The following SLC66A1 variants were observed in gnomAD, a reference collection of about 807,000 sequenced individuals.
The protein encoded by SLC66A1 is solute carrier family 66 member 1, also known as lysosomal amino acid transporter 1 homolog.
Under a neutral mutation model 33.0 loss-of-function variants are expected in SLC66A1, and 23 were observed. That is an observed-to-expected ratio of 0.70 (90% CI 0.50 to 0.99). The LOEUF (loss-of-function observed/expected upper bound fraction) is 0.99. Ranked by LOEUF, SLC66A1 falls within the 50% of genes least tolerant of loss-of-function variation. The pLI is 0.00. For missense variants in SLC66A1, 335 were observed against 383.6 expected (o/e 0.87, Z 1.06); for synonymous variants, 164 against 175.5 (o/e 0.93, Z 0.52).
In SLC66A1 at chr1:19,316,913, C is replaced by CT. The variant is rs759496425; in HGVS notation, c.-78-664dup. 8.4e-3 allele frequency among the ~76,000 whole-genome samples: 602 copies of CT among 71,506 alleles called. 12 individuals carry two copies. Among genetic ancestry groups the CT allele is most frequent in the Middle Eastern group, 0.039 (3 of 76 alleles). The allele number at this position is 71,506 out of a possible 152,430, so 46.9% of individuals were successfully genotyped here. On this transcript the variant is annotated intron_variant, in intron 1 of 7. Transcript: ENST00000375153. ...TAGAGGGAGTCTTGCTCTGTCACCT[C>CT]TTTTTTTTTTTTTTTTTTTTTTTGA...
intron 5 of SLC66A1, 37 bp from the exon 6 acceptor site, chr1:19,326,494 T>G: frequency 1.2e-6 from 2 of 1,613,944 alleles, no homozygotes; most frequent in Non-Finnish European, 1.7e-6. Flanking sequence ...CACCTCTGGC[T>G]CCTACGAGAC....
At position 19,325,642 on chromosome 1, in the gene SLC66A1, G is replaced by GT. The variant is rs199617653; in HGVS notation, c.382+60_382+61insT. 827 of 1,301,282 alleles carry GT rather than the reference G, an allele frequency of 6.4e-4. 30 individuals carry two copies. In the African/African-American group the frequency reaches 0.01, roughly 16 times the overall value. 80.6% of individuals were successfully genotyped at this position (1,301,282 alleles called of 1,614,324 possible). A position where few individuals can be genotyped will look rare whatever the true frequency, so the allele number is the denominator to read the frequency against. On this transcript the variant is annotated intron_variant, in intron 4 of 7. Transcript: ENST00000375153. ...ACCAGCAGCAGGGGGCAGTTGTGGGGGGGGGCGCCTGGAGTGTGGGAGGAA... is the reference window on the plus strand; with the variant it reads ...ACCAGCAGCAGGGGGCAGTTGTGGGGTGGGGGCGCCTGGAGTGTGGGAGGAA...
chr1:19,327,644 GC>G (rs1268833805), intron 7 of SLC66A1: 4 of 706,406 alleles, frequency 5.7e-6, no homozygotes, highest in Non-Finnish European at 7.9e-6. Context: ...AGCCATGAGT[GC>G]CCCAGAAGCT....
In SLC66A1 at chr1:19,328,130, C is replaced by G. The variant is rs867737507; in HGVS notation, c.805-442C>G. The G allele has an allele frequency of 3.8e-5, 11 of 292,848 alleles. No individual in the cohort carries two copies. The highest frequency in any genetic ancestry group is 7.3e-5 in the Non-Finnish European group (11 of 151,256). The allele number at this position is 292,848 out of a possible 1,614,324, so 18.1% of individuals were successfully genotyped here. Reference sequence around the variant, plus strand: ...GTGTTTGCTGAATGGCTGTAAAGAGCGTTACCTGGGTCTCATTTCGGAGCA... The same window carrying G: ...GTGTTTGCTGAATGGCTGTAAAGAGGGTTACCTGGGTCTCATTTCGGAGCA... On this transcript the variant is annotated intron_variant, in intron 7 of 7. Transcript: ENST00000375153. This position sits in a 1 kb window ranked among gnomAD's most constrained non-coding sequence, Gnocchi z 4.7.
chr1:19,315,677 TG>T (rs2093801149), intron 1 of SLC66A1, among the ~76,000 whole-genome samples: 1 of 152,230 alleles, frequency 6.6e-6, no homozygotes, highest in African/African-American at 2.4e-5. Context: ...GCCCACTTTC[TG>T]GCTGTGCAGT....
intron 2 of SLC66A1, among the ~76,000 whole-genome samples, chr1:19,318,582 G>C (rs1456191910): frequency 1.3e-5 from 2 of 152,188 alleles, no homozygotes; most frequent in African/African-American, 2.4e-5. Context: ...GACACTGCTA[G>C]TATTTCATTA....
intron 1 of SLC66A1, among the ~76,000 whole-genome samples, chr1:19,315,148 A>T (rs2093798474): frequency 6.6e-6 from 1 of 152,146 alleles, no homozygotes; most frequent in African/African-American, 2.4e-5. Context: ...AGCTCAAGTG[A>T]TCCAACTGCC....
At chr1:19,320,658 G>T (rs368611137) in intron 2 of SLC66A1, among the ~76,000 whole-genome samples, 4 of 151,366 alleles carry the variant, frequency 2.6e-5, no homozygotes, top group African/African-American at 9.8e-5. Context: ...CTTGTGATCC[G>T]CCCGCCTTGG....
Position 19,327,242 on chromosome 1 carries a change from A to T in SLC66A1, c.634A>T (p.Thr212Ser). 1.2e-6 allele frequency: 2 copies of T among 1,613,548 alleles called. No individual in the cohort carries two copies. Residue 212 changes from threonine to serine, a missense_variant, in exon 7 of 8, where the codon ACC becomes TCC. Transcript: ENST00000375153. ...QIRTNFLRKS[T>S]QGISYSLFAL... ...CCTGCCCCAGTTCCTCCGGAAGTCC[A>T]CCCAGGGGATCTCCTACTCTCTGTT...
At chr1:19,319,426 A>G (rs2093822213) in intron 2 of SLC66A1, among the ~76,000 whole-genome samples, 1 of 152,162 alleles carries the variant, frequency 6.6e-6, no homozygotes, top group Non-Finnish European at 1.5e-5. Context: ...CACTTAACAT[A>G]ATGTCTTCAA....
intron 1 of SLC66A1, among the ~76,000 whole-genome samples, chr1:19,316,913 CTTTT>C (rs759496425): frequency 1.4e-5 from 1 of 71,526 alleles, no homozygotes; most frequent in Non-Finnish European, 2.7e-5. Context: ...TCTGTCACCT[CTTTT>C]TTTTTTTTTT....
In SLC66A1 at chr1:19,326,356, G is replaced by T. The variant is rs763043438; in HGVS notation, c.494G>T (p.Arg165Leu). 6.2e-7 allele frequency: 1 copy of T among 1,606,300 alleles called. No individual in the cohort carries two copies. Among genetic ancestry groups the T allele is most frequent in the Non-Finnish European group, 8.5e-7 (1 of 1,179,208 alleles). The stretch of plus-strand genomic sequence containing the variant: ...GCCCCTAGGGAAGCCTTCCGGGGGC[G>T]GGCGCTCCTGTCCGTGGAGTCGGGC... ...VAAPREAFRG[R>L]ALLSVESGSK... The change falls in exon 5 of 8, where the codon CGG becomes CTG. Residue 165 changes from arginine to leucine, a missense_variant. Arg to Leu is a moderately radical substitution (Grantham distance 102, BLOSUM62 -2). Coordinates refer to ENST00000375153, the MANE Select transcript of SLC66A1 (RefSeq NM_001040125.2).
chr1:19,327,126 G>A, intron 6 of SLC66A1, 101 bp from the exon 7 acceptor site: 1 of 1,201,090 alleles, frequency 8.3e-7, no homozygotes, highest in Non-Finnish European at 1.2e-6. Context: ...TTGGCTCAGA[G>A]CAGGTGCACT....
At chr1:19,331,889 A>T (rs534196613), downstream of SLC66A1, among the ~76,000 whole-genome samples, 1 of 152,288 alleles carries the variant, frequency 6.6e-6, no homozygotes, top group African/African-American at 2.4e-5. Flanking sequence ...TCCTCCTGGG[A>T]AACACCAGCT....
chr1:19,325,399 C>T, intron 3 of SLC66A1, 96 bp from the exon 4 acceptor site: 2 of 815,028 alleles, frequency 2.5e-6, no homozygotes, highest in Non-Finnish European at 4.1e-6. Context: ...GTGACTTGGT[C>T]CGGGTCACCC....
At chr1:19,320,620 T>C (rs929182126) in intron 2 of SLC66A1, among the ~76,000 whole-genome samples, 7 of 151,910 alleles carry the variant, frequency 4.6e-5, no homozygotes, top group South Asian at 4.2e-4. Context: ...TTTCACCGTG[T>C]TAGCCAGGAT....
chr1:19,332,644 G>C (rs75417391), downstream of SLC66A1, among the ~76,000 whole-genome samples: 41 of 152,286 alleles, frequency 2.7e-4, no homozygotes, highest in African/African-American at 9.1e-4. Context: ...GAATCTCATC[G>C]ATGGGATTCT....
At chr1:19,333,626 G>A (rs1333121775), downstream of SLC66A1, among the ~76,000 whole-genome samples, 1 of 152,162 alleles carries the variant, frequency 6.6e-6, no homozygotes, top group Admixed American at 6.6e-5. The surrounding 1 kb of genome is among the most constrained non-coding windows in gnomAD (Gnocchi z 4.2). Context: ...GCCAGGTGCA[G>A]AGCCTCAACT....
intron 7 of SLC66A1, 161 bp downstream of exon 7, chr1:19,327,573 G>C (rs1343045296): frequency 4.0e-6 from 3 of 741,298 alleles, no homozygotes; most frequent in Non-Finnish European, 6.4e-6. Context: ...TCACCCAGTC[G>C]TGCACACCTC....
Sources: allele counts gnomAD v4.1 joint callset (sites outside exome capture counted in the v4.1 genomes callset), GRCh38; gene constraint gnomAD v4.1.1; non-coding constraint Gnocchi (gnomAD v3.1); transcripts MANE v1.5; gene names NCBI Gene and HGNC (gene_info 2026-07-23, HGNC 2026-07-21).